The following DNAH11 variants were observed in gnomAD, a reference collection of about 807,000 sequenced individuals.
DNAH11 encodes the protein dynein axonemal heavy chain 11, also known as axonemal beta dynein heavy chain 11.
Under a neutral mutation model 526.0 loss-of-function variants are expected in DNAH11, and 442 were observed. The observed-to-expected ratio is 0.84, with a 90% confidence interval of 0.78 to 0.91. The LOEUF is 0.91. Among genes scored for constraint, DNAH11 ranks in the 40% least tolerant of loss-of-function variants. The pLI is 0.00. For missense variants in DNAH11, 6,989 were observed against 5,448.7 expected (o/e 1.28, Z -8.90); for synonymous variants, 2,461 against 1,935.9 (o/e 1.27, Z -7.12).
chr7:21,608,155 A>G (rs542635707), intron 20 of DNAH11, among the ~76,000 whole-genome samples: 49 of 152,148 alleles, frequency 3.2e-4, no homozygotes, highest in African/African-American at 1.1e-3. Flanking sequence ...TTAACCCTGG[A>G]CATGAAGATT....
intron 65 of DNAH11, among the ~76,000 whole-genome samples, chr7:21,823,944 T>C (rs1214787636): frequency 1.3e-5 from 2 of 152,180 alleles, no homozygotes; most frequent in Non-Finnish European, 2.9e-5. Flanking sequence ...CTTTTGATGA[T>C]GTACAAAGCT....
intron 76 of DNAH11, among the ~76,000 whole-genome samples, chr7:21,886,602 G>T (rs982146178): frequency 2.0e-5 from 3 of 152,148 alleles, no homozygotes; most frequent in African/African-American, 7.2e-5. Context: ...TGCCAGGCAT[G>T]CGACCTTTAC....
In DNAH11 at chr7:21,695,658, A is replaced by G. The variant is rs558915281; in HGVS notation, c.6042-2417A>G. Among the ~76,000 whole-genome samples, 40 of 152,370 alleles carry G rather than the reference A, an allele frequency of 2.6e-4. No individual in the cohort carries two copies. The South Asian group carries it at 5.0e-3, about 19-fold the overall frequency. ...AAAGCCCTAGAAGAAAACCTAGGCA[A>G]TACCACTCAGGACATAGGCATGGAC... On this transcript the variant is annotated intron_variant, in intron 35 of 81. Coordinates refer to ENST00000409508, the MANE Select transcript of DNAH11 (RefSeq NM_001277115.2).
chr7:21,707,586 C>A, intron 39 of DNAH11, 113 bp from the exon 40 acceptor site: 2 of 1,307,924 alleles, frequency 1.5e-6, no homozygotes, highest in Non-Finnish European at 2.1e-6. Context: ...TCTTAGCACA[C>A]ACACAGCATC....
chr7:21,845,751 A>G (rs1005730477), intron 66 of DNAH11, among the ~76,000 whole-genome samples: 2 of 152,210 alleles, frequency 1.3e-5, no homozygotes, highest in Admixed American at 6.5e-5. Context: ...CAACATCTAT[A>G]AAATAATGTA....
intron 73 of DNAH11, among the ~76,000 whole-genome samples, chr7:21,871,160 C>G (rs1783479396): frequency 6.6e-6 from 1 of 152,118 alleles, no homozygotes; most frequent in Non-Finnish European, 1.5e-5. Context: ...AATCGAAAGC[C>G]CAAATTCCAG....
chr7:21,627,081 T>C (rs1047017968), intron 25 of DNAH11, among the ~76,000 whole-genome samples: 4 of 152,248 alleles, frequency 2.6e-5, no homozygotes, highest in Middle Eastern at 6.8e-3. Flanking sequence ...CCTATTCAAA[T>C]ATTTTGCCCA....
At chr7:21,619,917 T>G (rs758728115) in intron 24 of DNAH11, 39 bp from the exon 25 acceptor site, 2 of 1,529,646 alleles carry the variant, frequency 1.3e-6, no homozygotes, top group Non-Finnish European at 8.8e-7. Context: ...TGATTATCAA[T>G]TAAATTTTGT....
intron 35 of DNAH11, among the ~76,000 whole-genome samples, chr7:21,693,778 G>T (rs1783728588): frequency 6.6e-6 from 1 of 152,048 alleles, no homozygotes; most frequent in African/African-American, 2.4e-5. Context: ...TTCTCACACT[G>T]CTATAAGTAA....
chr7:21,631,192 G>T (rs1048057927), intron 25 of DNAH11, among the ~76,000 whole-genome samples: 1 of 152,130 alleles, frequency 6.6e-6, no homozygotes, highest in African/African-American at 2.4e-5. Flanking sequence ...TCACAGTCAC[G>T]AGAACAGCAT....
chr7:21,588,698 A>G, intron 11 of DNAH11, 62 bp downstream of exon 11: 1 of 1,566,108 alleles, frequency 6.4e-7, no homozygotes, highest in Non-Finnish European at 8.8e-7. Context: ...ATTTTATATA[A>G]GAGAGTGAGC....
In DNAH11 at chr7:21,773,814, A is replaced by G. The variant is rs1468054487; in HGVS notation, c.9151A>G (p.Thr3051Ala). The G allele has an allele frequency of 1.2e-6, 2 of 1,608,168 alleles. No individual in the cohort carries two copies. The highest frequency in any genetic ancestry group is 1.7e-5 in the Admixed American group (1 of 59,274). ...ISLFMAHVHT[T>A]VNEMSTRYYQ... ...CCTTTTCATGGCACATGTTCACACC[A>G]CTGTAAATGAAATGAGTACCAGATA... is the stretch of plus-strand genomic sequence containing the variant. Residue 3051 changes from threonine (T) to alanine (A), a missense_variant, in exon 56 of 82, where the codon ACT becomes GCT. Transcript: ENST00000409508.
intron 6 of DNAH11, among the ~76,000 whole-genome samples, chr7:21,567,708 C>T (rs868641128): frequency 2.6e-5 from 4 of 152,192 alleles, no homozygotes; most frequent in Non-Finnish European, 4.4e-5. Context: ...GACCCTATGA[C>T]GGGAATGCCA....
intron 9 of DNAH11, 120 bp from the exon 10 acceptor site, chr7:21,587,944 C>A: frequency 1.1e-6 from 1 of 909,136 alleles, no homozygotes; most frequent in Non-Finnish European, 1.6e-6. Flanking sequence ...TGAAGCATCA[C>A]AGGATGCTTT....
intron 34 of DNAH11, among the ~76,000 whole-genome samples, chr7:21,689,462 A>G (rs1296490217): frequency 6.6e-6 from 1 of 152,218 alleles, no homozygotes; most frequent in Non-Finnish European, 1.5e-5. Flanking sequence ...ATGAAGATTT[A>G]AGAGATGGGA....
At chr7:21,717,970 T>A in intron 43 of DNAH11, 45 bp downstream of exon 43, 2 of 1,562,612 alleles carry the variant, frequency 1.3e-6, no homozygotes, top group South Asian at 1.2e-5. Context: ...TCTGATGCGG[T>A]AGTGTTTGTT....
At chr7:21,844,281 C>T (rs1364033751) in intron 66 of DNAH11, among the ~76,000 whole-genome samples, 1 of 152,116 alleles carries the variant, frequency 6.6e-6, no homozygotes, top group African/African-American at 2.4e-5. Flanking sequence ...AAAAAATTAG[C>T]CAAGTGTGGT....
At chr7:21,640,117 G>A (rs1310678658) in intron 28 of DNAH11, among the ~76,000 whole-genome samples, 2 of 152,280 alleles carry the variant, frequency 1.3e-5, no homozygotes, top group East Asian at 3.9e-4. Flanking sequence ...TGGGCAACAG[G>A]TTCAGGGTCA....
In DNAH11 at chr7:21,564,174, C is replaced by A. The variant is rs1225973380; in HGVS notation, c.983-12C>A. The A allele has an allele frequency of 3.9e-6, 6 of 1,528,526 alleles. No individual in the cohort carries two copies. The highest frequency in any genetic ancestry group is 5.3e-6 in the Non-Finnish European group (6 of 1,136,898). The allele number at this position is 1,528,526 out of a possible 1,614,324, so 94.7% of individuals were successfully genotyped here. A position where few individuals can be genotyped will look rare whatever the true frequency, so the allele number is the denominator to read the frequency against. ...AACCAGAATCACGTTAATGGTGGTT[C>A]TTTGCTTTCAGCTCTTCTCGAAGCC... On this transcript the variant is annotated splice_polypyrimidine_tract_variant and intron_variant, in intron 5 of 81. Coordinates refer to ENST00000409508, the MANE Select transcript of DNAH11 (RefSeq NM_001277115.2).
Sources: allele counts gnomAD v4.1 joint callset (sites outside exome capture counted in the v4.1 genomes callset), GRCh38; gene constraint gnomAD v4.1.1; transcripts MANE v1.5; gene names NCBI Gene and HGNC (gene_info 2026-07-23, HGNC 2026-07-21).